EPM2A: variants seen among roughly 807,000 people sequenced by gnomAD.
EPM2A encodes the protein EPM2A glucan phosphatase, laforin.
A neutral mutation model predicts 26.5 loss-of-function variants in EPM2A; 21 were observed. That is an observed-to-expected ratio of 0.79 (90% CI 0.56 to 1.14). EPM2A has a LOEUF of 1.14. Among genes scored for constraint, EPM2A ranks in the 50% most tolerant of loss-of-function variants. The probability of loss-of-function intolerance (pLI) is 0.00; values close to 1 mark genes in which losing one functional copy is unlikely to be tolerated. For synonymous variants in EPM2A, 217 were observed against 177.6 expected (o/e 1.22, Z -1.76); for missense variants, 458 against 440.8 (o/e 1.04, Z -0.35).
intron 4 of EPM2A, among the ~76,000 whole-genome samples, chr6:145,494,917 A>G (rs770201402): frequency 3.3e-5 from 5 of 152,030 alleles, no homozygotes; most frequent in Non-Finnish European, 7.4e-5. Context: ...TGATTATGTG[A>G]TTGATTTTAG....
chr6:145,521,913 T>C (rs1780207006), intron 2 of EPM2A, among the ~76,000 whole-genome samples: 1 of 152,228 alleles, frequency 6.6e-6, no homozygotes, highest in South Asian at 2.1e-4. Context: ...TGTCTTTATA[T>C]CCTTTCCACA....
chr6:145,383,899 C>T (rs1213903411), exon 5 of EPM2A: 1 of 152,080 alleles, frequency 6.6e-6, no homozygotes, highest in Non-Finnish European at 1.5e-5. Flanking sequence ...TCTTTTTCTC[C>T]TTTAACATAT....
chr6:145,572,984 C>T (rs1309875274), intron 2 of EPM2A, among the ~76,000 whole-genome samples: 2 of 152,218 alleles, frequency 1.3e-5, no homozygotes, highest in African/African-American at 4.8e-5. Context: ...ACTTATCCTT[C>T]ACCTTAGAAG....
chr6:145,481,144 A>G (rs539424965), intron 4 of EPM2A, among the ~76,000 whole-genome samples: 1 of 152,262 alleles, frequency 6.6e-6, no homozygotes, highest in African/African-American at 2.4e-5. Flanking sequence ...CAGAAAAAAA[A>G]CAACTGCCCT....
chr6:145,617,904 C>A (rs927681882), intron 2 of EPM2A, among the ~76,000 whole-genome samples: 9 of 152,338 alleles, frequency 5.9e-5, no homozygotes, highest in African/African-American at 1.9e-4. Context: ...TATCGCACCA[C>A]TGTACTCCAA....
intron 2 of EPM2A, among the ~76,000 whole-genome samples, chr6:145,544,250 CA>C (rs1582840204): frequency 6.6e-6 from 1 of 152,290 alleles, no homozygotes; most frequent in East Asian, 1.9e-4. Flanking sequence ...TGCTAAGCCG[CA>C]TTGGCTGCTG....
At chr6:145,526,781 T>A (rs1780280180) in intron 2 of EPM2A, among the ~76,000 whole-genome samples, 1 of 152,152 alleles carries the variant, frequency 6.6e-6, no homozygotes, top group Non-Finnish European at 1.5e-5. Context: ...CTCAATTTCA[T>A]TCAGTTTTGC....
intron 4 of EPM2A, among the ~76,000 whole-genome samples, chr6:145,479,611 A>G (rs918612409): frequency 6.6e-6 from 1 of 151,924 alleles, no homozygotes; most frequent in Admixed American, 6.6e-5. Flanking sequence ...GAACTTTATT[A>G]CTTTTTATGG....
chr6:145,442,232 C>T (rs1446139640), intron 4 of EPM2A, among the ~76,000 whole-genome samples: 1 of 152,196 alleles, frequency 6.6e-6, no homozygotes, highest in African/African-American at 2.4e-5. Context: ...ACTGTTCCAA[C>T]CTCTGTCTGT....
chr6:145,489,721 C>T lies in EPM2A; in HGVS notation c.555+12801G>A, dbSNP rs1041510181. 1.5e-5 allele frequency: 22 copies of T among 1,448,412 alleles called. No homozygotes were observed. The African/African-American group carries it at 2.8e-4, about 18-fold the overall frequency. The allele number at this position is 1,448,412 out of a possible 1,614,324, so 89.7% of individuals were successfully genotyped here. ...TGGCTTGCTCTCTAATCCTCAGCAT[C>T]TTCGTGATCTTCCCTGGCAGCCTCA... On this transcript the variant is annotated intron_variant, in intron 4 of 4. Coordinates refer to the EPM2A transcript ENST00000638717.
rs187520280 is a variant in EPM2A at position 145,477,887 on chromosome 6, C to T, written c.555+24635G>A. 5.3e-3 allele frequency among the ~76,000 whole-genome samples: 809 copies of T among 151,954 alleles called. 2 individuals are homozygous for T. The highest frequency in any genetic ancestry group is 8.6e-3 in the Non-Finnish European group (580 of 67,798). ...ATCTGGAACACAACAAGGATGCCCA[C>T]TGTCACCACTGTTATTTAACATAGT... is the stretch of plus-strand genomic sequence containing the variant. On this transcript the variant is annotated intron_variant, in intron 4 of 4. Coordinates refer to the EPM2A transcript ENST00000638717.
At chr6:145,669,058 T>C (rs1325255953) in intron 2 of EPM2A, among the ~76,000 whole-genome samples, 1 of 152,180 alleles carries the variant, frequency 6.6e-6, no homozygotes. Flanking sequence ...CAGTGTAATG[T>C]TTATACCTGC....
At chr6:145,677,857 G>A (rs1416069030) in intron 2 of EPM2A, among the ~76,000 whole-genome samples, 1 of 152,080 alleles carries the variant, frequency 6.6e-6, no homozygotes, top group Non-Finnish European at 1.5e-5. Flanking sequence ...TATGGCCTCA[G>A]GTAATTTATA....
chr6:145,687,349 C>A (rs1460169269), intron 1 of EPM2A, among the ~76,000 whole-genome samples: 4 of 151,588 alleles, frequency 2.6e-5, no homozygotes, highest in Non-Finnish European at 5.9e-5. Context: ...AATCTTAGAC[C>A]CCCCAGCCTC....
At chr6:145,661,065 G>A (rs1028923278) in intron 2 of EPM2A, among the ~76,000 whole-genome samples, 18 of 152,120 alleles carry the variant, frequency 1.2e-4, no homozygotes, top group Admixed American at 1.2e-3. Flanking sequence ...CAGCAACAGA[G>A]GCCCTGAAAA....
At chr6:145,660,207 T>C (rs1454946143) in intron 2 of EPM2A, among the ~76,000 whole-genome samples, 1 of 152,064 alleles carries the variant, frequency 6.6e-6, no homozygotes, top group African/African-American at 2.4e-5. Flanking sequence ...CCCAAAATCA[T>C]TCCTCAGGTA....
chr6:145,504,306 C>A (rs1779938424), intron 2 of EPM2A, among the ~76,000 whole-genome samples: 1 of 106,080 alleles, frequency 9.4e-6, no homozygotes, highest in Non-Finnish European at 2.0e-5. Context: ...AGTGAACAGG[C>A]AACCTACAAC....
At chr6:145,530,184 G>A (rs1377872666) in intron 2 of EPM2A, among the ~76,000 whole-genome samples, 1 of 152,170 alleles carries the variant, frequency 6.6e-6, no homozygotes, top group Non-Finnish European at 1.5e-5. Context: ...AGGCCACCCT[G>A]TTTATGCCTT....
chr6:145,552,630 G>T (rs1245997508), intron 2 of EPM2A, among the ~76,000 whole-genome samples: 1 of 152,066 alleles, frequency 6.6e-6, no homozygotes. Context: ...CATGTAAAAA[G>T]GAATCATGTG....
Sources: gnomAD v4.1 joint callset for allele counts (sites outside exome capture counted in the v4.1 genomes callset) on GRCh38, gnomAD v4.1.1 for gene constraint, MANE v1.5 for transcripts, NCBI Gene and HGNC (gene_info 2026-07-23, HGNC 2026-07-21) for gene names.